Variants in EML1 observed in about 807,000 individuals in gnomAD.
EML1 encodes echinoderm microtubule-associated protein-like 1.
Under a neutral mutation model 110.4 loss-of-function variants are expected in EML1, and 27 were observed. The observed-to-expected ratio is 0.24, with a 90% confidence interval of 0.18 to 0.34. The LOEUF (loss-of-function observed/expected upper bound fraction) is 0.34, where lower values mean the gene tolerates loss of function less well. Ranked by LOEUF, EML1 falls within the 10% of genes least tolerant of loss-of-function variation. The pLI is 1.00. For missense variants in EML1, 741 were observed against 1,030.9 expected, an observed-to-expected ratio of 0.72 and a Z score of 3.85; for synonymous variants, 344 against 385.8, an observed-to-expected ratio of 0.89 and a Z score of 1.27.
intron 1 of EML1, among the ~76,000 whole-genome samples, chr14:99,760,955 G>A (rs2057308163): frequency 6.6e-6 from 1 of 151,790 alleles, no homozygotes; most frequent in Admixed American, 6.6e-5. Flanking sequence ...CCACAGGCAA[G>A]CGGGGAGAAA....
At chr14:99,766,805 A>C (rs1409572164) in intron 1 of EML1, among the ~76,000 whole-genome samples, 2 of 152,262 alleles carry the variant, frequency 1.3e-5, no homozygotes, top group Non-Finnish European at 2.9e-5. Flanking sequence ...GCCAAGCAGC[A>C]ATCATGGTAA....
rs147378231 is a variant in EML1, at chr14:99,751,944, C to T, written c.28+14084C>T. 1.3e-3 allele frequency among the ~76,000 whole-genome samples: 191 copies of T among 152,190 alleles called. 4 individuals carry two copies. The Middle Eastern group carries it at 0.034, about 27-fold the overall frequency. On this transcript the variant is annotated intron_variant, in intron 1 of 10. Transcript: ENST00000554479. ...GTGACAGGACCTCACATCCGTTTTA[C>T]GGGCACGTGGCAGCAGGAGGGAATG...
chr14:99,926,136 A>C (rs958454059), intron 17 of EML1, among the ~76,000 whole-genome samples: 1 of 152,130 alleles, frequency 6.6e-6, no homozygotes, highest in African/African-American at 2.4e-5. Flanking sequence ...TCAGATTTTC[A>C]TGTCTTGTTC....
At chr14:99,877,668 G>A (rs939853481) in intron 3 of EML1, among the ~76,000 whole-genome samples, 6 of 152,318 alleles carry the variant, frequency 3.9e-5, no homozygotes, top group African/African-American at 1.4e-4. Flanking sequence ...AGGGTGGAAC[G>A]TTTCTGTCGT....
chr14:99,755,849 G>A (rs1005961006), intron 1 of EML1, among the ~76,000 whole-genome samples: 2 of 152,110 alleles, frequency 1.3e-5, no homozygotes, highest in Non-Finnish European at 2.9e-5. Flanking sequence ...GAGGAGGCAG[G>A]GGGCAGGAGC....
intron 1 of EML1, among the ~76,000 whole-genome samples, chr14:99,819,508 C>A (rs562214670): frequency 6.6e-6 from 1 of 152,176 alleles, no homozygotes; most frequent in African/African-American, 2.4e-5. Context: ...AATAAGGTGT[C>A]CTGGTAATTT....
At chr14:99,927,698 T>C (rs1203190242) in intron 17 of EML1, among the ~76,000 whole-genome samples, 2 of 149,946 alleles carry the variant, frequency 1.3e-5, no homozygotes, top group African/African-American at 4.9e-5. Context: ...TTCACTTTAT[T>C]TTCCAGTTTC....
upstream of EML1, among the ~76,000 whole-genome samples, chr14:99,771,526 G>T (rs1297334321): frequency 6.6e-6 from 1 of 152,158 alleles, no homozygotes; most frequent in Admixed American, 6.5e-5. Flanking sequence ...AAATACTTCT[G>T]CCAGGCTGGG....
At chr14:99,753,618 G>A (rs964320818) in intron 1 of EML1, among the ~76,000 whole-genome samples, 2 of 152,118 alleles carry the variant, frequency 1.3e-5, no homozygotes, top group Non-Finnish European at 2.9e-5. Context: ...TCCATCGCTC[G>A]TGAGGTCCGT....
chr14:99,835,449 CT>C (rs1257786567), intron 1 of EML1, among the ~76,000 whole-genome samples: 2 of 151,748 alleles, frequency 1.3e-5, no homozygotes, highest in South Asian at 2.1e-4. Context: ...AGTGTTTTTC[CT>C]GTTTCATTGA....
chr14:99,806,390 C>T (rs1235180984), intron 1 of EML1, among the ~76,000 whole-genome samples: 1 of 146,556 alleles, frequency 6.8e-6, no homozygotes, highest in African/African-American at 2.5e-5. Flanking sequence ...AATCTCGGCT[C>T]ACCGCAACCT....
chr14:99,828,809 A>C (rs2058402266), intron 1 of EML1, among the ~76,000 whole-genome samples: 1 of 152,244 alleles, frequency 6.6e-6, no homozygotes, highest in Non-Finnish European at 1.5e-5. Flanking sequence ...GGAGAAAAGA[A>C]AATGTTATTA....
chr14:99,806,467 C>T (rs1367710082), intron 1 of EML1, among the ~76,000 whole-genome samples: 2 of 151,976 alleles, frequency 1.3e-5, no homozygotes, highest in Non-Finnish European at 2.9e-5. Context: ...CAGGCATGCT[C>T]CACCACACCC....
At chr14:99,887,356 C>A (rs563640578) in intron 4 of EML1, among the ~76,000 whole-genome samples, 1 of 152,306 alleles carries the variant, frequency 6.6e-6, no homozygotes, top group Non-Finnish European at 1.5e-5. Context: ...TAGCCAAGCG[C>A]TGAGAGTTTG....
chr14:99,787,048 C>A lies in EML1; in HGVS notation c.-27+13035C>A, dbSNP rs145297755. On this transcript the variant is annotated intron_variant, in intron 1 of 22. Coordinates refer to the EML1 transcript ENST00000327921. ...TGGAGTGCTTCAGATCTGAAAGGGG[C>A]AGAGTGACCATTTGTCAGGGATGTT... Among the ~76,000 whole-genome samples, 1,504 of 152,192 alleles carry A rather than the reference C, an allele frequency of 9.9e-3. 8 individuals carry two copies. Among genetic ancestry groups the A allele is most frequent in the Non-Finnish European group, 0.015 (1,032 of 68,014 alleles).
chr14:99,887,023 C>T (rs2059489122), intron 4 of EML1, among the ~76,000 whole-genome samples: 1 of 152,338 alleles, frequency 6.6e-6, no homozygotes, highest in Admixed American at 6.5e-5. Context: ...GCACTGGTGT[C>T]TGTTGGTGTG....
intron 1 of EML1, among the ~76,000 whole-genome samples, chr14:99,752,850 ACAG>A (rs2057192338): frequency 1.3e-5 from 2 of 152,152 alleles, no homozygotes; most frequent in Non-Finnish European, 2.9e-5. Flanking sequence ...ACAGTTTTAA[ACAG>A]CAGGTTTTTT....
intron 17 of EML1, among the ~76,000 whole-genome samples, chr14:99,922,121 A>C (rs991054765): frequency 1.3e-5 from 2 of 152,028 alleles, no homozygotes; most frequent in Non-Finnish European, 2.9e-5. Flanking sequence ...CATTTTATGG[A>C]TATATACCAC....
chr14:99,936,400 G>GTTCTCACA lies in EML1; in HGVS notation c.2095+66_2095+67insTTCTCACA. On this transcript the variant is annotated intron_variant, in intron 19 of 21. Coordinates refer to ENST00000262233, the MANE Select transcript of EML1 (RefSeq NM_004434.3). The surrounding 1 kb of genome is among the most constrained non-coding windows in gnomAD (Gnocchi z 5.5). Reference sequence around the variant, plus strand: ...AAAGCGTTCACTCTGAGATCCAGGGGGCCTCTGTGAGAACCCACCTCCTGT... The same window carrying GTTCTCACA: ...AAAGCGTTCACTCTGAGATCCAGGGGTTCTCACAGCCTCTGTGAGAACCCACCTCCTGT... The GTTCTCACA allele has an allele frequency of 6.7e-7, 1 of 1,487,562 alleles. No homozygotes were observed. The highest frequency in any genetic ancestry group is 9.3e-7 in the Non-Finnish European group (1 of 1,075,146). 92.1% of individuals were successfully genotyped at this position (1,487,562 alleles called of 1,614,324 possible). A position where few individuals can be genotyped will look rare whatever the true frequency, so the allele number is the denominator to read the frequency against.
Sources: allele counts gnomAD v4.1 joint callset (sites outside exome capture counted in the v4.1 genomes callset), GRCh38; gene constraint gnomAD v4.1.1; non-coding constraint Gnocchi (gnomAD v3.1); transcripts MANE v1.5; gene names NCBI Gene and HGNC (gene_info 2026-07-23, HGNC 2026-07-21).